Variants in EDC3 observed in about 807,000 individuals in gnomAD.
The protein encoded by EDC3 is enhancer of mRNA decapping 3.
Under a neutral mutation model 41.8 loss-of-function variants are expected in EDC3, and 20 were observed. The ratio of observed to expected loss-of-function variants is 0.48; its 90% confidence interval spans 0.34 to 0.70. The LOEUF (loss-of-function observed/expected upper bound fraction) is 0.70. EDC3 is among the 30% of genes least tolerant of loss of function. The probability of loss-of-function intolerance (pLI) is 0.01; values close to 1 mark genes in which losing one functional copy is unlikely to be tolerated. For synonymous variants in EDC3, 206 were observed against 243.2 expected, an observed-to-expected ratio of 0.85 and a Z score of 1.42; for missense variants, 444 against 636.8, an observed-to-expected ratio of 0.70 and a Z score of 3.26.
intron 2 of EDC3, among the ~76,000 whole-genome samples, chr15:74,673,004 T>C (rs745461535): frequency 3.3e-5 from 5 of 151,788 alleles, no homozygotes; most frequent in Non-Finnish European, 5.9e-5. Flanking sequence ...GCATCTCAGG[T>C]AGGGGCTCAG....
intron 6 of EDC3, chr15:74,635,027 TTTG>T: frequency 2.1e-6 from 1 of 466,292 alleles, no homozygotes; most frequent in Non-Finnish European, 4.3e-6. Flanking sequence ...CTTTCCCTGC[TTTG>T]TTTTTATCCA....
At chr15:74,645,537 T>C (rs1472054337) in intron 4 of EDC3, 2 of 140,440 alleles carry the variant, frequency 1.4e-5, no homozygotes, top group Non-Finnish European at 3.1e-5. Context: ...TTTCTGTAAG[T>C]TTGAAATTTT....
At chr15:74,680,546 A>G (rs1227855202) in intron 1 of EDC3, among the ~76,000 whole-genome samples, 2 of 152,218 alleles carry the variant, frequency 1.3e-5, no homozygotes, top group African/African-American at 2.4e-5. Context: ...CTAACATTAT[A>G]CTAAATGGTG....
intron 3 of EDC3, among the ~76,000 whole-genome samples, chr15:74,660,157 A>G (rs2141624850): frequency 6.6e-6 from 1 of 152,176 alleles, no homozygotes; most frequent in East Asian, 1.9e-4. Flanking sequence ...AGTGAGCCAC[A>G]GTCCACACCA....
chr15:74,632,557 C>A lies in EDC3; in HGVS notation c.*55G>T. On this transcript the variant is annotated 3_prime_UTR_variant, in exon 7 of 7. Coordinates refer to ENST00000315127, the MANE Select transcript of EDC3 (RefSeq NM_025083.5). This position sits in a 1 kb window ranked among gnomAD's most constrained non-coding sequence, Gnocchi z 4.0. ...TCCATGAAGCTTCATATCCTTAAGG[C>A]GTTTGTTATCAGGAGCAGCAGGGGA... The A allele has an allele frequency of 6.4e-7, 1 of 1,572,166 alleles. No homozygotes were observed. Among genetic ancestry groups the A allele is most frequent in the Non-Finnish European group, 8.7e-7 (1 of 1,151,890 alleles).
At position 74,671,440 on chromosome 15, in the gene EDC3, C is replaced by G. The variant is rs370722720; in HGVS notation, c.484+15G>C. 8 of 1,601,058 alleles carry G rather than the reference C, an allele frequency of 5.0e-6. No individual in the cohort carries two copies. The highest frequency in any genetic ancestry group is 6.0e-6 in the Non-Finnish European group (7 of 1,170,504). Reference sequence around the variant, plus strand: ...ACACCAGATTGAGAAGAAATATCAACTTGACCCTACTTACAGGAGTTGTGC... The same window carrying G: ...ACACCAGATTGAGAAGAAATATCAAGTTGACCCTACTTACAGGAGTTGTGC... On this transcript the variant is annotated intron_variant, in intron 3 of 6. Coordinates refer to ENST00000315127, the MANE Select transcript of EDC3 (RefSeq NM_025083.5). The surrounding 1 kb of genome is among the most constrained non-coding windows in gnomAD (Gnocchi z 4.6).
At chr15:74,677,043 T>C (rs1281129580) in intron 1 of EDC3, 1 of 151,922 alleles carries the variant, frequency 6.6e-6, no homozygotes, top group Non-Finnish European at 1.5e-5. Flanking sequence ...TGCAAAATGA[T>C]GCAGCCACTT....
chr15:74,640,314 G>T, intron 5 of EDC3, 152 bp downstream of exon 5: 1 of 849,004 alleles, frequency 1.2e-6, no homozygotes, highest in Non-Finnish European at 1.8e-6. Context: ...AAACCTCACA[G>T]CATCCAGGAA....
intron 4 of EDC3, among the ~76,000 whole-genome samples, chr15:74,653,528 C>G (rs1172593253): frequency 6.6e-6 from 1 of 152,134 alleles, no homozygotes; most frequent in African/African-American, 2.4e-5. Context: ...GGCAAAAGGG[C>G]TTCCTTTCCA....
rs77365111 is a variant in EDC3, at chr15:74,662,198, C to G, written c.485-6130G>C. On this transcript the variant is annotated intron_variant, in intron 3 of 6. Coordinates refer to ENST00000315127, the MANE Select transcript of EDC3 (RefSeq NM_025083.5). The stretch of plus-strand genomic sequence containing the variant: ...ACTACCCTTGCTAAAAAAATCACTC[C>G]CATCTGACCACTTACAACAGTGTGC... Among the ~76,000 whole-genome samples the G allele has an allele frequency of 7.5e-3, 1,135 of 152,196 alleles. 15 individuals are homozygous for G. Among genetic ancestry groups the G allele is most frequent in the African/African-American group, 0.026 (1,100 of 41,528 alleles).
At chr15:74,692,098 C>T (rs1482432113) in intron 1 of EDC3, among the ~76,000 whole-genome samples, 2 of 152,158 alleles carry the variant, frequency 1.3e-5, no homozygotes, top group Non-Finnish European at 2.9e-5. Context: ...GGATTACAGG[C>T]GTGAGCCACC....
At position 74,631,776 on chromosome 15, in the gene EDC3, C is replaced by T. The variant is rs1752681419; in HGVS notation, c.*836G>A. ...GCACCAGGCTCCCCCAGGGATATCCCCATCTGAGGGGTCTGGCCCCAGACT... is the reference window on the plus strand; with the variant it reads ...GCACCAGGCTCCCCCAGGGATATCCTCATCTGAGGGGTCTGGCCCCAGACT... On this transcript the variant is annotated 3_prime_UTR_variant, in exon 7 of 7. Transcript: ENST00000315127. The T allele has an allele frequency of 3.9e-5, 6 of 152,798 alleles. No homozygotes were observed. In the Admixed American group the frequency reaches 3.9e-4, roughly 10 times the overall value. The allele number at this position is 152,798 out of a possible 1,614,324, so 9.5% of individuals were successfully genotyped here. A position where few individuals can be genotyped will look rare whatever the true frequency, so the allele number is the denominator to read the frequency against.
chr15:74,652,515 A>G (rs1000426138), intron 4 of EDC3, among the ~76,000 whole-genome samples: 1 of 152,062 alleles, frequency 6.6e-6, no homozygotes, highest in African/African-American at 2.4e-5. Flanking sequence ...GGCATGAGCC[A>G]CTGCGCCTGG....
chr15:74,652,327 A>G (rs1441179584), intron 4 of EDC3, among the ~76,000 whole-genome samples: 3 of 150,468 alleles, frequency 2.0e-5, no homozygotes, highest in Non-Finnish European at 4.4e-5. Context: ...TCCCAGGTTC[A>G]CGCCATTCTC....
At chr15:74,656,905 G>C (rs2062555971) in intron 3 of EDC3, among the ~76,000 whole-genome samples, 1 of 152,218 alleles carries the variant, frequency 6.6e-6, no homozygotes, top group African/African-American at 2.4e-5. Context: ...GCTTGACTGT[G>C]TAACTATGGA....
intron 1 of EDC3, among the ~76,000 whole-genome samples, chr15:74,683,364 G>A (rs1407151662): frequency 1.1e-4 from 16 of 152,156 alleles, no homozygotes; most frequent in African/African-American, 2.7e-4. Context: ...GCGAAGCCTC[G>A]TCTCTACCAA....
intron 3 of EDC3, among the ~76,000 whole-genome samples, chr15:74,668,574 G>A (rs530360969): frequency 6.6e-6 from 1 of 152,190 alleles, no homozygotes; most frequent in Non-Finnish European, 1.5e-5. Context: ...AAAAAGACTA[G>A]CCAGGTATGG....
chr15:74,654,887 T>C (rs1891978745), intron 4 of EDC3, among the ~76,000 whole-genome samples: 1 of 152,236 alleles, frequency 6.6e-6, no homozygotes, highest in Non-Finnish European at 1.5e-5. Flanking sequence ...ATATTCCTTA[T>C]ATTCCAAACT....
At chr15:74,677,661 T>C (rs1185615032) in intron 1 of EDC3, among the ~76,000 whole-genome samples, 1 of 152,108 alleles carries the variant, frequency 6.6e-6, no homozygotes, top group Non-Finnish European at 1.5e-5. Context: ...TGAGCCACTG[T>C]GCCTAGCTTG....
Sources: gnomAD v4.1 joint callset for allele counts (sites outside exome capture counted in the v4.1 genomes callset) on GRCh38, gnomAD v4.1.1 for gene constraint, Gnocchi (gnomAD v3.1) non-coding constraint, MANE v1.5 for transcripts, NCBI Gene and HGNC (gene_info 2026-07-23, HGNC 2026-07-21) for gene names.